Variants in OCLN observed in about 807,000 individuals in gnomAD.
OCLN encodes the protein occludin.
In OCLN, 21 loss-of-function variants were observed where a neutral mutation model predicts 47.9. The observed-to-expected ratio is 0.44, with a 90% CI of 0.31 to 0.63. OCLN has a LOEUF of 0.63. OCLN is among the 30% of genes least tolerant of loss of function. OCLN has a pLI of 0.08. For synonymous variants in OCLN, 117 were observed against 198.4 expected (o/e 0.59, Z 3.45); for missense variants, 360 against 571.0 (o/e 0.63, Z 3.77).
chr5:69,516,099 G>A (rs1311215337), intron 4 of OCLN, among the ~76,000 whole-genome samples: 19 of 151,764 alleles, frequency 1.3e-4, no homozygotes, highest in African/African-American at 4.6e-4. Context: ...CGGGGTGGCG[G>A]CCGGGCAGAG....
In OCLN at chr5:69,548,811, TAGC is replaced by T. The variant is rs1022032835; in HGVS notation, c.1425+713_1425+715del. Among the ~76,000 whole-genome samples, 18 of 149,664 alleles carry T rather than the reference TAGC, an allele frequency of 1.2e-4. 1 individual carries two copies. Among genetic ancestry groups the T allele is most frequent in the African/African-American group, 4.4e-4 (18 of 40,582 alleles). ...CCATCTCTACTAAAAATACAAAAAA[TAGC>T]AGGGCATGGTGGCAGACACCTGTAA... On this transcript the variant is annotated intron_variant, in intron 7 of 8. Coordinates refer to ENST00000396442, the MANE Select transcript of OCLN (RefSeq NM_001205254.2).
At chr5:69,522,187 A>G (rs955001342) in intron 4 of OCLN, among the ~76,000 whole-genome samples, 5 of 152,182 alleles carry the variant, frequency 3.3e-5, no homozygotes, top group Non-Finnish European at 7.4e-5. Context: ...GCCTCTACAT[A>G]TCTTTGTTCC....
At chr5:69,497,157 G>T (rs1452399464) in intron 1 of OCLN, among the ~76,000 whole-genome samples, 1 of 152,102 alleles carries the variant, frequency 6.6e-6, no homozygotes, top group Non-Finnish European at 1.5e-5. Context: ...ATTGTTGTTA[G>T]TTATTTTCGG....
intron 4 of OCLN, among the ~76,000 whole-genome samples, chr5:69,521,461 A>G (rs1000186477): frequency 6.6e-6 from 1 of 152,126 alleles, no homozygotes; most frequent in Non-Finnish European, 1.5e-5. Context: ...CTAGTCATTG[A>G]GTGTGCACAC....
intron 7 of OCLN, among the ~76,000 whole-genome samples, chr5:69,549,419 A>G (rs1397512190): frequency 6.7e-6 from 1 of 148,500 alleles, no homozygotes; most frequent in Non-Finnish European, 1.5e-5. Flanking sequence ...AAATCCTACC[A>G]TCAAGAAATC....
intron 1 of OCLN, among the ~76,000 whole-genome samples, chr5:69,502,014 A>G (rs1768471765): frequency 6.6e-6 from 1 of 152,304 alleles, no homozygotes; most frequent in East Asian, 1.9e-4. Context: ...ACTGTGCAAC[A>G]TGGTGAAACC....
chr5:69,500,479 C>T (rs991503926), intron 1 of OCLN, among the ~76,000 whole-genome samples: 4 of 150,620 alleles, frequency 2.7e-5, no homozygotes, highest in East Asian at 1.9e-4. Context: ...TGGCTCACTG[C>T]GAACTCCGCC....
chr5:69,550,441 C>T (rs1427728493), intron 7 of OCLN, among the ~76,000 whole-genome samples: 1 of 151,566 alleles, frequency 6.6e-6, no homozygotes. Context: ...ATCTGCCTGC[C>T]TTGGCCTCCC....
At chr5:69,536,146 G>A (rs1476928973) in intron 5 of OCLN, among the ~76,000 whole-genome samples, 1 of 151,396 alleles carries the variant, frequency 6.6e-6, no homozygotes, top group Non-Finnish European at 1.5e-5. Flanking sequence ...TAAATAAATG[G>A]TACATCTTGT....
intron 4 of OCLN, among the ~76,000 whole-genome samples, chr5:69,528,097 C>G (rs962029780): frequency 1.3e-5 from 2 of 152,034 alleles, no homozygotes; most frequent in African/African-American, 4.8e-5. Context: ...TTCAAGTGAC[C>G]AAAGGTGGAG....
chr5:69,496,389 C>T (rs568295068), intron 1 of OCLN, among the ~76,000 whole-genome samples: 13 of 152,058 alleles, frequency 8.5e-5, no homozygotes, highest in African/African-American at 3.1e-4. Context: ...TGAGCCACCG[C>T]GCCCGGCCAC....
chr5:69,496,587 TAGA>T, intron 1 of OCLN, among the ~76,000 whole-genome samples: 1 of 141,518 alleles, frequency 7.1e-6, no homozygotes. Context: ...TTTTTTAAGA[TAGA>T]TAACGGAGTC....
intron 1 of OCLN, among the ~76,000 whole-genome samples, chr5:69,494,188 TG>T: frequency 3.3e-4 from 1 of 3,026 alleles, no homozygotes; most frequent in Admixed American, 1.1e-3. Flanking sequence ...GAGGTGCTTG[TG>T]TGTGTGTGTG....
chr5:69,516,367 C>G (rs986335231), intron 4 of OCLN, among the ~76,000 whole-genome samples: 17 of 152,196 alleles, frequency 1.1e-4, no homozygotes, highest in African/African-American at 3.4e-4. Flanking sequence ...CGTGGTGGCG[C>G]GCGCCTGCAA....
chr5:69,499,796 A>G (rs1329088276), intron 1 of OCLN, among the ~76,000 whole-genome samples: 12 of 152,122 alleles, frequency 7.9e-5, no homozygotes, highest in Non-Finnish European at 1.8e-4. Context: ...TATGTTGACC[A>G]GGATGGTCTT....
chr5:69,524,257 C>T (rs1275600675), intron 4 of OCLN, among the ~76,000 whole-genome samples: 1 of 152,204 alleles, frequency 6.6e-6, no homozygotes. Context: ...TTTATTGTTT[C>T]ATAATGAACA....
At chr5:69,532,411 C>T (rs1267994795) in intron 4 of OCLN, among the ~76,000 whole-genome samples, 1 of 152,158 alleles carries the variant, frequency 6.6e-6, no homozygotes, top group Non-Finnish European at 1.5e-5. Context: ...GCCATTGATC[C>T]TATCACAAAG....
intron 4 of OCLN, among the ~76,000 whole-genome samples, chr5:69,533,724 C>G (rs1769511889): frequency 6.6e-6 from 1 of 152,196 alleles, no homozygotes; most frequent in South Asian, 2.1e-4. Flanking sequence ...ACTATCTCTG[C>G]TCACTGCAAC....
chr5:69,498,783 G>A (rs1010099199), intron 1 of OCLN, among the ~76,000 whole-genome samples: 21 of 151,980 alleles, frequency 1.4e-4, no homozygotes, highest in Non-Finnish European at 2.6e-4. Flanking sequence ...GGGCTCAAGC[G>A]ATTCTCCTGC....
Sources: gnomAD v4.1 joint callset for allele counts (sites outside exome capture counted in the v4.1 genomes callset) on GRCh38, gnomAD v4.1.1 for gene constraint, MANE v1.5 for transcripts, NCBI Gene and HGNC (gene_info 2026-07-23, HGNC 2026-07-21) for gene names.